The following ANK1 variants were observed in gnomAD, a reference collection of about 807,000 sequenced individuals.
The protein encoded by ANK1 is ankyrin 1.
ANK1 carries 51 observed loss-of-function variants against 210.4 expected under a neutral mutation model. That is an observed-to-expected ratio of 0.24 (90% CI 0.19 to 0.31). The LOEUF (loss-of-function observed/expected upper bound fraction) is 0.31. ANK1 is among the 10% of genes least tolerant of loss of function. ANK1 has a pLI of 1.00. For synonymous variants in ANK1, 967 were observed against 1,025.9 expected, an observed-to-expected ratio of 0.94 and a Z score of 1.10; for missense variants, 2,051 against 2,504.4, an observed-to-expected ratio of 0.82 and a Z score of 3.86.
At position 41,668,411 on chromosome 8, in the gene ANK1, G is replaced by A. The variant is rs760137104; in HGVS notation, c.5250C>T (p.Tyr1750=). 28 of 1,614,066 alleles carry A rather than the reference G, an allele frequency of 1.7e-5. No homozygotes were observed. The highest frequency in any genetic ancestry group is 6.7e-5 in the African/African-American group (5 of 74,906). Reference sequence around the variant, plus strand: ...CACTTACAGACACCAGGACCTTCTCGTACTCCTGAGATCCACCGGGCTCTA... The same window carrying A: ...CACTTACAGACACCAGGACCTTCTCATACTCCTGAGATCCACCGGGCTCTA... The part of the protein sequence containing the change: ...EGLEPGGSQE[Y]EKVLVSVSEH... The change falls in exon 39 of 43, where the codon TAC becomes TAT. Residue 1750 remains tyrosine, a synonymous_variant. Transcript: ENST00000289734.
chr8:41,831,821 C>T (rs1806713861), intron 1 of ANK1, among the ~76,000 whole-genome samples: 1 of 152,152 alleles, frequency 6.6e-6, no homozygotes, highest in Non-Finnish European at 1.5e-5. Flanking sequence ...ATGAATAGAC[C>T]AACCGCAGCA....
At chr8:41,846,994 G>C (rs1473602570) in intron 1 of ANK1, among the ~76,000 whole-genome samples, 1 of 152,158 alleles carries the variant, frequency 6.6e-6, no homozygotes, top group Non-Finnish European at 1.5e-5. Context: ...CCTCTCATGG[G>C]GTTTTCACAC....
intron 20 of ANK1, among the ~76,000 whole-genome samples, chr8:41,703,040 A>C (rs898375979): frequency 6.6e-6 from 1 of 151,686 alleles, no homozygotes; most frequent in African/African-American, 2.4e-5. Flanking sequence ...AGTGTTGGCC[A>C]GGCTGGTCTC....
intron 1 of ANK1, among the ~76,000 whole-genome samples, chr8:41,841,855 G>C (rs1808969409): frequency 1.3e-5 from 2 of 152,212 alleles, no homozygotes; most frequent in South Asian, 4.1e-4. Flanking sequence ...ACCACCTGTG[G>C]CCAGGACCCT....
chr8:41,832,065 C>T (rs1450742424), intron 1 of ANK1, among the ~76,000 whole-genome samples: 8 of 152,092 alleles, frequency 5.3e-5, no homozygotes, highest in African/African-American at 1.9e-4. Context: ...TTTTGCGGGG[C>T]GATGGATCTG....
At chr8:41,829,981 T>C (rs1806300479) in intron 1 of ANK1, 1 of 151,020 alleles carries the variant, frequency 6.6e-6, no homozygotes, top group South Asian at 2.1e-4. Context: ...AGGCCTTTAG[T>C]TTTTATAAGT....
chr8:41,782,257 C>T (rs559822703), intron 1 of ANK1, among the ~76,000 whole-genome samples: 9 of 152,294 alleles, frequency 5.9e-5, no homozygotes, highest in Admixed American at 3.3e-4. Context: ...TGCAAACTCA[C>T]AAGGCCAAAA....
intron 1 of ANK1, among the ~76,000 whole-genome samples, chr8:41,821,241 C>T (rs1804212160): frequency 6.6e-6 from 1 of 152,024 alleles, no homozygotes; most frequent in Non-Finnish European, 1.5e-5. Context: ...ACAACATATA[C>T]AAAATAGATA....
intron 1 of ANK1, among the ~76,000 whole-genome samples, chr8:41,793,908 T>C (rs1848242887): frequency 6.6e-6 from 1 of 152,212 alleles, no homozygotes; most frequent in African/African-American, 2.4e-5. Flanking sequence ...AGGGGGATTA[T>C]TAATACCCAG....
At chr8:41,807,464 C>CT (rs1238791596) in intron 1 of ANK1, among the ~76,000 whole-genome samples, 12 of 152,204 alleles carry the variant, frequency 7.9e-5, no homozygotes, top group African/African-American at 2.9e-4. Context: ...ACTGCCCTGT[C>CT]TGTCGTGGCC....
intron 15 of ANK1, among the ~76,000 whole-genome samples, chr8:41,714,503 G>T (rs1323767239): frequency 2.0e-5 from 3 of 152,034 alleles, no homozygotes; most frequent in Non-Finnish European, 4.4e-5. Flanking sequence ...TTTCCAAAAG[G>T]ATAAGGCCTT....
In ANK1 at chr8:41,694,076, G is replaced by C. The variant is rs569485229; in HGVS notation, c.3354C>G (p.Val1118=). 3.7e-6 allele frequency: 6 copies of C among 1,614,044 alleles called. No homozygotes were observed. Among genetic ancestry groups the C allele is most frequent in the Non-Finnish European group, 5.1e-6 (6 of 1,179,982 alleles). Residue 1118 remains valine, a synonymous_variant, in exon 29 of 43, where the codon GTC becomes GTG. Transcript: ENST00000289734. The surrounding 1 kb of genome is among the most constrained non-coding windows in gnomAD (Gnocchi z 5.7). Reference sequence around the variant, plus strand: ...TGGCCTGGTTGCCCAGGAGCTTAGTGACAAGCTCATCCGGGACAGGCTGGG... The same window carrying C: ...TGGCCTGGTTGCCCAGGAGCTTAGTCACAAGCTCATCCGGGACAGGCTGGG... ...LQAQPVPDEL[V]TKLLGNQATF... is the part of the protein sequence containing the mutation.
rs539760115 is a variant in ANK1, at chr8:41,696,726, G to A, written c.2685C>T (p.Ala895=). The A allele has an allele frequency of 2.5e-6, 4 of 1,602,180 alleles. No homozygotes were observed. The African/African-American group carries it at 5.3e-5, about 21-fold the overall frequency. ...DEDSLIPSSP[A]TETSDNISPV... is the part of the protein sequence containing the mutation. ...GGCTGATGTTGTCTGAGGTCTCGGT[G>A]GCCGGGCTGCTGGGGATGAGGGAGT... Residue 895 remains alanine (A), a synonymous_variant, in exon 25 of 43, where the codon GCC becomes GCT. Coordinates refer to ENST00000289734, the MANE Select transcript of ANK1 (RefSeq NM_000037.4).
intron 1 of ANK1, among the ~76,000 whole-genome samples, chr8:41,866,291 G>A (rs1456766538): frequency 6.6e-6 from 1 of 152,228 alleles, no homozygotes; most frequent in African/African-American, 2.4e-5. Context: ...CTGGGCTCAA[G>A]CGATTCTCCT....
intron 1 of ANK1, among the ~76,000 whole-genome samples, chr8:41,872,243 G>A (rs1457663726): frequency 2.0e-5 from 3 of 152,330 alleles, no homozygotes; most frequent in Admixed American, 6.5e-5. Context: ...AACTACAGCC[G>A]AAGAGCAGCG....
chr8:41,688,441 CG>C (rs1818297070), intron 34 of ANK1, 69 bp downstream of exon 34: 1 of 1,559,038 alleles, frequency 6.4e-7, no homozygotes, highest in African/African-American at 1.4e-5. Flanking sequence ...CACAGGGCTG[CG>C]GGGAGATGAG....
chr8:41,659,888 G>A (rs1279217949), intron 42 of ANK1, among the ~76,000 whole-genome samples: 1 of 152,006 alleles, frequency 6.6e-6, no homozygotes, highest in Non-Finnish European at 1.5e-5. Context: ...TGAAATTCAA[G>A]GCTCCCTCCT....
rs1830959397 is a variant in ANK1 at position 41,727,334 on chromosome 8, G to A, written c.342C>T (p.Pro114=). 2.5e-6 allele frequency: 4 copies of A among 1,613,830 alleles called. No individual in the cohort carries two copies. The highest frequency in any genetic ancestry group is 1.1e-5 in the South Asian group (1 of 91,074). Residue 114 remains proline (P), a synonymous_variant, in exon 5 of 43, where the codon CCC becomes CCT. Coordinates refer to ENST00000289734, the MANE Select transcript of ANK1 (RefSeq NM_000037.4). Reference sequence around the variant, plus strand: ...GGTTCTCTTGTGCTGCCATGTACAGGGGTGTAAAACCTTTCTGTAAACCAA... The same window carrying A: ...GGTTCTCTTGTGCTGCCATGTACAGAGGTGTAAAACCTTTCTGTAAACCAA... The part of the protein sequence containing the change: ...VNAQSQKGFT[P]LYMAAQENHL...
At chr8:41,827,724 TCACA>T (rs1371378783) in intron 1 of ANK1, among the ~76,000 whole-genome samples, 6 of 89,636 alleles carry the variant, frequency 6.7e-5, no homozygotes, top group East Asian at 2.3e-4. Flanking sequence ...CCACTCACAC[TCACA>T]CACATCCACA....
Sources: gnomAD v4.1 joint callset for allele counts (sites outside exome capture counted in the v4.1 genomes callset) on GRCh38, gnomAD v4.1.1 for gene constraint, Gnocchi (gnomAD v3.1) non-coding constraint, MANE v1.5 for transcripts, NCBI Gene and HGNC (gene_info 2026-07-23, HGNC 2026-07-21) for gene names.